SDK1: variants seen among roughly 807,000 people sequenced by gnomAD.
SDK1 encodes the protein protein sidekick-1.
Under a neutral mutation model 245.5 loss-of-function variants are expected in SDK1, and 157 were observed. That is an observed-to-expected ratio of 0.64 (90% confidence interval 0.56 to 0.73). The LOEUF is 0.73. Ranked by LOEUF, SDK1 falls within the 30% of genes least tolerant of loss-of-function variation. The pLI is 0.00. For synonymous variants in SDK1, 1,647 were observed against 1,278.5 expected, an observed-to-expected ratio of 1.29 and a Z score of -6.15; for missense variants, 3,583 against 3,002.3, an observed-to-expected ratio of 1.19 and a Z score of -4.52.
chr7:3,339,612 C>T (rs543071618), intron 1 of SDK1, among the ~76,000 whole-genome samples: 1 of 151,888 alleles, frequency 6.6e-6, no homozygotes, highest in African/African-American at 2.4e-5. Flanking sequence ...ATAGTAAAGG[C>T]AACAGGAAAA....
chr7:4,001,475 A>G (rs933297708), intron 14 of SDK1, among the ~76,000 whole-genome samples: 10 of 152,196 alleles, frequency 6.6e-5, no homozygotes, highest in African/African-American at 2.4e-4. Context: ...GAGGCTCTGG[A>G]GGCCACAGTG....
chr7:3,683,328 T>C (rs774703518), intron 4 of SDK1, among the ~76,000 whole-genome samples: 14 of 152,342 alleles, frequency 9.2e-5, no homozygotes, highest in South Asian at 4.1e-4. Flanking sequence ...TTAAGCCTTT[T>C]ATCTTTAAAA....
chr7:4,191,580 G>A (rs924224528), intron 35 of SDK1, among the ~76,000 whole-genome samples: 9 of 152,270 alleles, frequency 5.9e-5, no homozygotes, highest in Admixed American at 3.9e-4. Context: ...CGAAGGGAGC[G>A]AGAGAGCCCT....
intron 22 of SDK1, among the ~76,000 whole-genome samples, chr7:4,100,794 C>T (rs1782487198): frequency 6.6e-6 from 1 of 152,168 alleles, no homozygotes; most frequent in South Asian, 2.1e-4. Context: ...CACCCCTGGG[C>T]CTGGAGAGGG....
At position 3,796,535 on chromosome 7, in the gene SDK1, A is replaced by G. The variant is rs146650997; in HGVS notation, c.714-24915A>G. Among the ~76,000 whole-genome samples, 1,294 of 152,050 alleles carry G rather than the reference A, an allele frequency of 8.5e-3. 23 individuals are homozygous for G. The highest frequency in any genetic ancestry group is 0.029 in the African/African-American group (1,221 of 41,470). On this transcript the variant is annotated intron_variant, in intron 4 of 44. Coordinates refer to ENST00000404826, the MANE Select transcript of SDK1 (RefSeq NM_152744.4). ...ATGCCCCTCTCCCCCCCAGCCTACA[A>G]TCCATTCCAGGACCCCACCTGCTGG...
chr7:4,052,173 C>A (rs1002592879), intron 19 of SDK1, among the ~76,000 whole-genome samples: 3 of 142,654 alleles, frequency 2.1e-5, no homozygotes, highest in Non-Finnish European at 4.6e-5. Context: ...CATGATCCCC[C>A]CCCCCCCGAC....
At chr7:3,559,155 G>C (rs1053109491) in intron 1 of SDK1, among the ~76,000 whole-genome samples, 5 of 152,074 alleles carry the variant, frequency 3.3e-5, no homozygotes, top group African/African-American at 7.2e-5. Flanking sequence ...ACGATATATA[G>C]ATATTATATA....
chr7:3,761,013 T>G lies in SDK1; in HGVS notation c.714-60437T>G, dbSNP rs1583385928. On this transcript the variant is annotated intron_variant, in intron 4 of 44. Coordinates refer to ENST00000404826, the MANE Select transcript of SDK1 (RefSeq NM_152744.4). Reference sequence around the variant, plus strand: ...AAGCTGCTATGAGCATTTGCCTACATGTAATTTTTTGGGAACTTACATTTT... The same window carrying G: ...AAGCTGCTATGAGCATTTGCCTACAGGTAATTTTTTGGGAACTTACATTTT... 3.3e-5 allele frequency among the ~76,000 whole-genome samples: 5 copies of G among 152,232 alleles called. 1 individual carries two copies. The South Asian group carries it at 1.0e-3, about 32-fold the overall frequency.
intron 13 of SDK1, among the ~76,000 whole-genome samples, chr7:3,980,559 A>G (rs74939144): frequency 0.017 from 2,543 of 152,364 alleles, 90 homozygotes; most frequent in African/African-American, 0.059. Context: ...AAATGGATTC[A>G]GAATATATTA....
intron 1 of SDK1, among the ~76,000 whole-genome samples, chr7:3,613,436 C>G (rs1255520961): frequency 6.6e-6 from 1 of 152,138 alleles, no homozygotes; most frequent in Non-Finnish European, 1.5e-5. Flanking sequence ...GTAAGCCTTC[C>G]TTTTTCTCCA....
At chr7:3,609,105 C>A (rs1192936180) in intron 1 of SDK1, among the ~76,000 whole-genome samples, 2 of 152,066 alleles carry the variant, frequency 1.3e-5, no homozygotes, top group African/African-American at 4.8e-5. Flanking sequence ...TCATAAATGT[C>A]TTTTGTATTA....
At chr7:3,481,517 C>T (rs1471433705) in intron 1 of SDK1, among the ~76,000 whole-genome samples, 1 of 152,228 alleles carries the variant, frequency 6.6e-6, no homozygotes, top group East Asian at 1.9e-4. Flanking sequence ...TGCCTGGTGG[C>T]TACCAACTGG....
chr7:3,626,225 C>G (rs1782118237), intron 2 of SDK1, among the ~76,000 whole-genome samples: 1 of 152,040 alleles, frequency 6.6e-6, no homozygotes, highest in African/African-American at 2.4e-5. Context: ...CAGGTGTGAG[C>G]CACCACTTCC....
chr7:4,035,331 T>A (rs1788135480), intron 17 of SDK1, among the ~76,000 whole-genome samples: 1 of 152,092 alleles, frequency 6.6e-6, no homozygotes, highest in African/African-American at 2.4e-5. Flanking sequence ...TTCTAAGAAA[T>A]TGAAGGCAAA....
At chr7:3,521,439 A>T (rs57704507) in intron 1 of SDK1, among the ~76,000 whole-genome samples, 39,058 of 152,044 alleles carry the variant, frequency 0.26, 5,221 homozygotes, top group East Asian at 0.33. Flanking sequence ...GTATACAAAC[A>T]TACTCTTTCT....
chr7:3,727,551 C>T (rs182218148), intron 4 of SDK1, among the ~76,000 whole-genome samples: 1 of 152,168 alleles, frequency 6.6e-6, no homozygotes, highest in East Asian at 1.9e-4. Context: ...AGTGCAGTGG[C>T]GCCATCTTGG....
chr7:3,426,559 C>A (rs1779683728), intron 1 of SDK1, among the ~76,000 whole-genome samples: 1 of 152,194 alleles, frequency 6.6e-6, no homozygotes, highest in African/African-American at 2.4e-5. Context: ...TAGGACAGTA[C>A]CTAGCACGTT....
At chr7:3,975,839 T>C (rs1355186335) in intron 13 of SDK1, among the ~76,000 whole-genome samples, 1 of 152,234 alleles carries the variant, frequency 6.6e-6, no homozygotes, top group Non-Finnish European at 1.5e-5. Flanking sequence ...GGAGTCCCCA[T>C]GGCTCTACAG....
At chr7:4,237,215 G>GTTTTT (rs1209070072) in intron 41 of SDK1, among the ~76,000 whole-genome samples, 23 of 151,910 alleles carry the variant, frequency 1.5e-4, no homozygotes, top group Non-Finnish European at 3.1e-4. Context: ...GTTTTGTTTT[G>GTTTTT]TTTGTTTTTT....
Sources: gnomAD v4.1 joint callset for allele counts (sites outside exome capture counted in the v4.1 genomes callset) on GRCh38, gnomAD v4.1.1 for gene constraint, MANE v1.5 for transcripts, NCBI Gene and HGNC (gene_info 2026-07-23, HGNC 2026-07-21) for gene names.